APP: variants seen among roughly 807,000 people sequenced by gnomAD.
APP encodes amyloid beta precursor protein.
APP carries 31 observed loss-of-function variants against 101.4 expected under a neutral mutation model. The observed-to-expected ratio is 0.31, with a 90% CI of 0.23 to 0.41. The LOEUF is 0.41. Among genes scored for constraint, APP ranks in the 10% least tolerant of loss-of-function variants. The probability of loss-of-function intolerance (pLI) is 1.00; values close to 1 mark genes in which losing one functional copy is unlikely to be tolerated. For missense variants in APP, 839 were observed against 1,003.7 expected (o/e 0.84, Z 2.22); for synonymous variants, 366 against 364.4 (o/e 1.00, Z -0.05).
At chr21:26,086,259 C>T (rs1216416509) in intron 3 of APP, among the ~76,000 whole-genome samples, 1 of 152,090 alleles carries the variant, frequency 6.6e-6, no homozygotes, top group African/African-American at 2.4e-5. Flanking sequence ...GAGGTACTAC[C>T]AAAAGCAAAG....
chr21:25,983,520 T>G (rs1262303315), intron 8 of APP, among the ~76,000 whole-genome samples: 2 of 152,198 alleles, frequency 1.3e-5, no homozygotes, highest in African/African-American at 4.8e-5. Context: ...GAAACTAAAC[T>G]TGAAGTTAAA....
Position 26,004,083 on chromosome 21 carries a change from G to A in APP, c.866-3901C>T, listed in dbSNP as rs554162943. On this transcript the variant is annotated intron_variant, in intron 6 of 17. Transcript: ENST00000346798. Reference sequence around the variant, plus strand: ...GGGACTGAGGGTAGGGTCAGCACCAGCGATGTATGATGCTAATGCTTTTAC... The same window carrying A: ...GGGACTGAGGGTAGGGTCAGCACCAACGATGTATGATGCTAATGCTTTTAC... Among the ~76,000 whole-genome samples, 15 of 152,270 alleles carry A rather than the reference G, an allele frequency of 9.9e-5. No homozygotes were observed. In the East Asian group the frequency reaches 1.9e-3, roughly 20 times the overall value.
At chr21:25,905,228 A>G in intron 14 of APP, 151 bp from the exon 15 acceptor site, 1 of 718,980 alleles carries the variant, frequency 1.4e-6, no homozygotes, top group Non-Finnish European at 2.5e-6. Flanking sequence ...CAGTGAGTTA[A>G]TCCCGAGCAT....
rs919890179 is a variant in APP at position 25,881,588 on chromosome 21, C to G, written c.*82G>C. On this transcript the variant is annotated 3_prime_UTR_variant, in exon 18 of 18. Coordinates refer to ENST00000346798, the MANE Select transcript of APP (RefSeq NM_000484.4). Reference sequence around the variant, plus strand: ...ATCATAAAACGGGTTTGTTTCTTCCCACATTATTCTATAAATGGACACCGA... The same window carrying G: ...ATCATAAAACGGGTTTGTTTCTTCCGACATTATTCTATAAATGGACACCGA... 6.8e-7 allele frequency: 1 copy of G among 1,479,340 alleles called. No individual in the cohort carries two copies. The highest frequency in any genetic ancestry group is 1.4e-5 in the African/African-American group (1 of 72,152). 91.6% of individuals were successfully genotyped at this position (1,479,340 alleles called of 1,614,324 possible).
At chr21:25,914,808 T>C (rs557618656) in intron 13 of APP, among the ~76,000 whole-genome samples, 11 of 152,250 alleles carry the variant, frequency 7.2e-5, no homozygotes, top group Admixed American at 2.6e-4. Flanking sequence ...CCGCCTCGGC[T>C]TCCCAAAGTG....
intron 4 of APP, among the ~76,000 whole-genome samples, chr21:26,052,543 T>C (rs1270290811): frequency 6.6e-6 from 1 of 152,260 alleles, no homozygotes; most frequent in African/African-American, 2.4e-5. Flanking sequence ...CACAGTGACC[T>C]TTTCATGCTA....
intron 13 of APP, among the ~76,000 whole-genome samples, chr21:25,943,713 C>T (rs4817074): frequency 0.056 from 8,551 of 152,190 alleles, 325 homozygotes; most frequent in East Asian, 0.16. Context: ...GGATTACAGG[C>T]GTGAGCCACT....
intron 3 of APP, among the ~76,000 whole-genome samples, chr21:26,065,784 A>G (rs533882397): frequency 2.6e-5 from 4 of 152,350 alleles, no homozygotes; most frequent in African/African-American, 9.6e-5. Context: ...TGACTGCACT[A>G]TTAGTCATAT....
In APP at chr21:26,037,330, G is replaced by A. The variant is rs146180099; in HGVS notation, c.662+13670C>T. ...CACTGTAGGATGACTACAGTTAACA[G>A]TAATATATGACATAATCTCAAACAG... On this transcript the variant is annotated intron_variant, in intron 5 of 17. Transcript: ENST00000346798. Among the ~76,000 whole-genome samples, 330 of 152,238 alleles carry A rather than the reference G, an allele frequency of 2.2e-3. 1 individual carries two copies. The highest frequency in any genetic ancestry group is 7.3e-3 in the African/African-American group (303 of 41,542).
intron 1 of APP, among the ~76,000 whole-genome samples, chr21:26,144,924 A>G (rs535288924): frequency 1.3e-5 from 2 of 152,238 alleles, no homozygotes; most frequent in African/African-American, 4.8e-5. Flanking sequence ...AAGTTTTGAT[A>G]TAAGAATCAG....
chr21:25,897,810 G>A (rs1432266346), intron 15 of APP, 137 bp from the exon 16 acceptor site: 3 of 712,386 alleles, frequency 4.2e-6, no homozygotes, highest in East Asian at 2.6e-5. Flanking sequence ...GACTCTTAAA[G>A]AAAAATGATA....
chr21:25,948,392 A>C (rs767435665), intron 13 of APP, among the ~76,000 whole-genome samples: 5 of 152,178 alleles, frequency 3.3e-5, no homozygotes, highest in Non-Finnish European at 7.4e-5. Flanking sequence ...GAAGAGTGGA[A>C]CATTTTATCA....
chr21:26,099,348 CAAG>C, intron 2 of APP, among the ~76,000 whole-genome samples: 1 of 152,128 alleles, frequency 6.6e-6, no homozygotes, highest in South Asian at 2.1e-4. Flanking sequence ...AGAACATATC[CAAG>C]AAGAAAGTAA....
intron 13 of APP, among the ~76,000 whole-genome samples, chr21:25,930,586 T>TTA (rs34986093): frequency 0.27 from 39,974 of 149,940 alleles, 6,196 homozygotes; most frequent in Non-Finnish European, 0.36. Flanking sequence ...ATAGCACAAA[T>TTA]TATATATATA....
chr21:26,072,096 C>A (rs988536180), intron 3 of APP, among the ~76,000 whole-genome samples: 2 of 152,168 alleles, frequency 1.3e-5, no homozygotes, highest in South Asian at 4.1e-4. Flanking sequence ...CTAGAGTAGG[C>A]CACCTTTGGG....
chr21:26,053,771 T>C (rs1452011333), intron 3 of APP, among the ~76,000 whole-genome samples: 1 of 152,166 alleles, frequency 6.6e-6, no homozygotes, highest in African/African-American at 2.4e-5. Context: ...AATCTGCTTG[T>C]AAGTAACAGA....
intron 8 of APP, among the ~76,000 whole-genome samples, chr21:25,989,558 T>C (rs1185838264): frequency 6.6e-6 from 1 of 152,198 alleles, no homozygotes; most frequent in East Asian, 1.9e-4. Flanking sequence ...AGGCTGAATG[T>C]TTCCCTAAAC....
chr21:25,889,762 G>C (rs1256200041), intron 17 of APP, among the ~76,000 whole-genome samples: 1 of 152,044 alleles, frequency 6.6e-6, no homozygotes, highest in Non-Finnish European at 1.5e-5. Context: ...TAGGAGAATC[G>C]CTTGAACCTG....
chr21:25,933,975 C>CA (rs2040255662), intron 13 of APP: 1 of 152,170 alleles, frequency 6.6e-6, no homozygotes, highest in African/African-American at 2.4e-5. Context: ...CTAATGCCTA[C>CA]ACCTAAGAAT....
Sources: allele counts gnomAD v4.1 joint callset (sites outside exome capture counted in the v4.1 genomes callset), GRCh38; gene constraint gnomAD v4.1.1; transcripts MANE v1.5; gene names NCBI Gene and HGNC (gene_info 2026-07-23, HGNC 2026-07-21).